The following ZNF385C variants were observed in gnomAD, a reference collection of about 807,000 sequenced individuals.
The protein encoded by ZNF385C is CTD-2132N18.2.
In ZNF385C, 28 loss-of-function variants were observed where a neutral mutation model predicts 35.4. That is an observed-to-expected ratio of 0.79 (90% CI 0.59 to 1.08). The LOEUF (loss-of-function observed/expected upper bound fraction) is 1.08. Among genes scored for constraint, ZNF385C ranks in the 50% least tolerant of loss-of-function variants. The pLI is 0.00. For missense variants in ZNF385C, 605 were observed against 595.6 expected (o/e 1.02, Z -0.16); for synonymous variants, 248 against 248.2 (o/e 1.00, Z 0.01).
intron 1 of ZNF385C, among the ~76,000 whole-genome samples, chr17:42,081,761 T>C (rs1555659728): frequency 2.0e-5 from 3 of 152,106 alleles, no homozygotes. Context: ...CAGCCAACAG[T>C]GAAAGCCTCA....
Position 42,026,965 on chromosome 17 carries a change from C to G in ZNF385C, c.1444G>C (p.Ala482Pro). The G allele has an allele frequency of 6.2e-7, 1 of 1,611,762 alleles. No individual in the cohort carries two copies. Among genetic ancestry groups the G allele is most frequent in the Non-Finnish European group, 8.5e-7 (1 of 1,178,754 alleles). ...GCTCCTGCTGGGGTGCGAAACAGAG[C>G]TGGGCCCAGGATGGGAGCCGGGAAG... is the stretch of plus-strand genomic sequence containing the variant. ...TLFPAPILGPALFRTPAGAVR... is the reference protein window; with the variant it reads ...TLFPAPILGPPLFRTPAGAVR... Residue 482 changes from alanine (A) to proline (P), a missense_variant, in exon 9 of 9, where the codon GCT (alanine) becomes CCT (proline). Ala to Pro is a conservative substitution (Grantham distance 27, BLOSUM62 -1). Transcript: ENST00000692273.
chr17:42,059,114 C>T (rs2053423234), intron 2 of ZNF385C, among the ~76,000 whole-genome samples: 1 of 152,228 alleles, frequency 6.6e-6, no homozygotes, highest in South Asian at 2.1e-4. Context: ...GGCAGCTTCT[C>T]TAGCTGGAGC....
At position 42,026,619 on chromosome 17, in the gene ZNF385C, C is replaced by T; in HGVS notation, c.*278G>A. 2.0e-6 allele frequency: 1 copy of T among 505,818 alleles called. No individual in the cohort carries two copies. The allele number at this position is 505,818 out of a possible 1,614,324, so 31.3% of individuals were successfully genotyped here. On this transcript the variant is annotated 3_prime_UTR_variant, in exon 9 of 9. Coordinates refer to ENST00000692273, the MANE Select transcript of ZNF385C (RefSeq NM_001392013.1). Reference sequence around the variant, plus strand: ...TCTTGGGTGGAGGAAAGTGAGAGCACCACATGGCTGGGGCTGAGATTTTGC... The same window carrying T: ...TCTTGGGTGGAGGAAAGTGAGAGCATCACATGGCTGGGGCTGAGATTTTGC...
intron 2 of ZNF385C, among the ~76,000 whole-genome samples, chr17:42,058,433 GC>G (rs1258840026): frequency 2.6e-5 from 4 of 152,208 alleles, no homozygotes; most frequent in African/African-American, 9.6e-5. Flanking sequence ...ATTCAAGGCT[GC>G]CCACACTTAG....
At chr17:42,053,824 C>T (rs943002151) in intron 2 of ZNF385C, among the ~76,000 whole-genome samples, 19 of 152,090 alleles carry the variant, frequency 1.2e-4, no homozygotes, top group Non-Finnish European at 2.2e-4. Context: ...CCAGCCCGGG[C>T]GTCATCAGCA....
chr17:42,076,334 G>T (rs2053684514), intron 1 of ZNF385C, among the ~76,000 whole-genome samples: 1 of 152,208 alleles, frequency 6.6e-6, no homozygotes, highest in Non-Finnish European at 1.5e-5. Context: ...AAGAGGGGGA[G>T]GCTCTGGCCG....
chr17:42,054,667 T>C (rs7503372), intron 2 of ZNF385C, among the ~76,000 whole-genome samples: 109,652 of 150,926 alleles, frequency 0.73, 42,247 homozygotes, highest in South Asian at 0.84. Flanking sequence ...CTGCAACCTC[T>C]GCCTCCCGGG....
chr17:42,088,359 G>C (rs528854504), intron 1 of ZNF385C, among the ~76,000 whole-genome samples: 2 of 152,338 alleles, frequency 1.3e-5, no homozygotes, highest in South Asian at 4.1e-4. Context: ...CTCCTCAGGC[G>C]CCTGGCCTGG....
chr17:42,061,447 C>G (rs2053460886), intron 2 of ZNF385C: 1 of 152,086 alleles, frequency 6.6e-6, no homozygotes, highest in Non-Finnish European at 1.5e-5. Context: ...TCTCAAACTC[C>G]TGGCCTTAAG....
chr17:42,043,409 C>T (rs782819894), intron 2 of ZNF385C: 21 of 1,231,484 alleles, frequency 1.7e-5, no homozygotes, highest in Non-Finnish European at 1.9e-5. Context: ...CCCCAACCCC[C>T]ACCTGAATGC....
intron 2 of ZNF385C, among the ~76,000 whole-genome samples, chr17:42,057,388 C>G (rs1555657603): frequency 1.8e-4 from 27 of 152,168 alleles, no homozygotes; most frequent in Non-Finnish European, 2.9e-5. Context: ...CAGCTGTCCC[C>G]CGATGCCCTG....
intron 2 of ZNF385C, chr17:42,038,094 C>G: frequency 1.3e-6 from 2 of 1,531,360 alleles, no homozygotes; most frequent in African/African-American, 2.7e-5. Context: ...AGGGAGTCCA[C>G]AGTTGAGGCT....
chr17:42,061,454 TAAGTGACCCACCTGCCTCAGCCTCCCA>T (rs1205862550), intron 2 of ZNF385C: 2 of 151,890 alleles, frequency 1.3e-5, no homozygotes, highest in African/African-American at 4.8e-5. Context: ...CTCCTGGCCT[TAAGTGACCCACCTGCCTCAGCCTCCCA>T]AAGTGCTAGG....
chr17:42,037,907 G>A, intron 2 of ZNF385C, 22 bp from the exon 3 acceptor site: 1 of 1,539,572 alleles, frequency 6.5e-7, no homozygotes, highest in Non-Finnish European at 8.8e-7. Flanking sequence ...AGAAGGGCAG[G>A]GTCTGAAATG....
chr17:42,074,398 T>C (rs1160339097), intron 1 of ZNF385C, among the ~76,000 whole-genome samples: 1 of 152,042 alleles, frequency 6.6e-6, no homozygotes, highest in East Asian at 1.9e-4. Context: ...CTAAAGATTT[T>C]TTTTTTTTTT....
intron 1 of ZNF385C, among the ~76,000 whole-genome samples, chr17:42,094,168 A>T (rs782636806): frequency 1.8e-4 from 27 of 152,044 alleles, no homozygotes; most frequent in Non-Finnish European, 3.2e-4. Flanking sequence ...TTTTTAGTAG[A>T]GACGGGGGTT....
Position 42,031,925 on chromosome 17 carries a change from A to G in ZNF385C, c.511-141T>C. 4.4e-6 allele frequency: 4 copies of G among 899,926 alleles called. No homozygotes were observed. In the South Asian group the frequency reaches 5.1e-5, roughly 12 times the overall value. 55.7% of individuals were successfully genotyped at this position (899,926 alleles called of 1,614,324 possible). ...AGGGCAAGTCCTTGTCCTTGTCATC[A>G]TCATCACCATAGCACATGTGGCTCT... On this transcript the variant is annotated intron_variant, in intron 4 of 8. Coordinates refer to ENST00000692273, the MANE Select transcript of ZNF385C (RefSeq NM_001392013.1).
At chr17:42,068,519 T>G (rs2053579855) in intron 1 of ZNF385C, among the ~76,000 whole-genome samples, 1 of 152,168 alleles carries the variant, frequency 6.6e-6, no homozygotes, top group Non-Finnish European at 1.5e-5. Context: ...GGGTCTTTTT[T>G]CTTTTTTGGG....
chr17:42,074,104 T>G lies in ZNF385C; in HGVS notation c.-2-11046A>C, dbSNP rs186520564. On this transcript the variant is annotated intron_variant, in intron 1 of 8. Transcript: ENST00000692273. ...CCAGGAGCCCCTTTCCCCAGCTTCA[T>G]CACTCTTAGTCTCAGACTCAGTTTA... Among the ~76,000 whole-genome samples, 16 of 152,352 alleles carry G rather than the reference T, an allele frequency of 1.1e-4. No individual in the cohort carries two copies. In the East Asian group the frequency reaches 2.9e-3, roughly 28 times the overall value.
Sources: gnomAD v4.1 joint callset for allele counts (sites outside exome capture counted in the v4.1 genomes callset) on GRCh38, gnomAD v4.1.1 for gene constraint, MANE v1.5 for transcripts, NCBI Gene and HGNC (gene_info 2026-07-23, HGNC 2026-07-21) for gene names.